Variants in UHRF1 observed in about 807,000 individuals in gnomAD.
UHRF1 encodes the protein ubiquitin like with PHD and ring finger domains 1.
UHRF1 carries 9 observed loss-of-function variants against 96.5 expected under a neutral mutation model. The ratio of observed to expected loss-of-function variants is 0.09; its 90% CI spans 0.06 to 0.16. The LOEUF is 0.16. Ranked by LOEUF, UHRF1 falls within the 10% of genes least tolerant of loss-of-function variation. UHRF1 has a pLI of 1.00. For missense variants in UHRF1, 626 were observed against 1,131.1 expected, an observed-to-expected ratio of 0.55 and a Z score of 6.40; for synonymous variants, 455 against 469.9, an observed-to-expected ratio of 0.97 and a Z score of 0.41.
At chr19:4,920,174 G>T (rs1012674400) in intron 2 of UHRF1, among the ~76,000 whole-genome samples, 1 of 152,160 alleles carries the variant, frequency 6.6e-6, no homozygotes, top group African/African-American at 2.4e-5. Flanking sequence ...GCTCATGCTT[G>T]TAATTTCAGC....
In UHRF1 at chr19:4,929,411, G is replaced by A. The variant is rs781513693; in HGVS notation, c.343G>A (p.Ala115Thr). 5.6e-6 allele frequency: 9 copies of A among 1,613,510 alleles called. No individual in the cohort carries two copies. The highest frequency in any genetic ancestry group is 5.0e-5 in the Admixed American group (3 of 59,984). The change falls in exon 3 of 17, where the codon GCC becomes ACC. Residue 115 changes from alanine (A) to threonine (T), a missense_variant. Physicochemically the swap from Ala to Thr is moderately conservative, Grantham distance 58. Coordinates refer to ENST00000650932, the MANE Select transcript of UHRF1 (RefSeq NM_001048201.3). ...DKSSTHGEAA[A>T]ETDSRPADED... ...GTCCTCCACCCACGGTGAGGCGGCCGCCGAGACTGACAGCAGGCCAGCCGA... is the reference window on the plus strand; with the variant it reads ...GTCCTCCACCCACGGTGAGGCGGCCACCGAGACTGACAGCAGGCCAGCCGA...
At chr19:4,955,667 C>T (rs189144590) in intron 15 of UHRF1, among the ~76,000 whole-genome samples, 4 of 152,266 alleles carry the variant, frequency 2.6e-5, no homozygotes, top group Admixed American at 6.5e-5. Context: ...AGCCCCTTGC[C>T]CCTAGACCTT....
Position 4,932,676 on chromosome 19 carries a change from G to A in UHRF1, c.570-65G>A, listed in dbSNP as rs17882965. On this transcript the variant is annotated intron_variant, in intron 4 of 16. Transcript: ENST00000650932. ...GGGAGGGGCCGTCCCACCTCGGCTCGTTTCCCATTGAGGGAAGGAGGCTTG... is the reference window on the plus strand; with the variant it reads ...GGGAGGGGCCGTCCCACCTCGGCTCATTTCCCATTGAGGGAAGGAGGCTTG... 18 of 1,575,170 alleles carry A rather than the reference G, an allele frequency of 1.1e-5. 1 individual carries two copies. Among genetic ancestry groups the A allele is most frequent in the South Asian group, 2.3e-5 (2 of 88,160 alleles).
chr19:4,948,868 A>G (rs1174155186), intron 11 of UHRF1, among the ~76,000 whole-genome samples: 2 of 151,664 alleles, frequency 1.3e-5, no homozygotes, highest in Non-Finnish European at 2.9e-5. Context: ...TCACGCCTGT[A>G]ATCCCAGCAC....
intron 4 of UHRF1, 66 bp from the exon 5 acceptor site, chr19:4,932,675 C>T (rs376083221): frequency 6.4e-6 from 10 of 1,567,698 alleles, no homozygotes; most frequent in Admixed American, 1.7e-5. Flanking sequence ...CACCTCGGCT[C>T]GTTTCCCATT....
upstream of UHRF1, chr19:4,909,171 T>C: frequency 2.7e-6 from 1 of 367,958 alleles, no homozygotes; most frequent in Admixed American, 5.1e-5. Flanking sequence ...TGCGTGCGAG[T>C]GGGGGGCTGC....
At position 4,930,002 on chromosome 19, in the gene UHRF1, T is replaced by C. The variant is rs1224058315; in HGVS notation, c.408+526T>C. 6.6e-6 allele frequency among the ~76,000 whole-genome samples: 1 copy of C among 152,048 alleles called. No homozygotes were observed. Among genetic ancestry groups the C allele is most frequent in the Non-Finnish European group, 1.5e-5 (1 of 68,010 alleles). ...ATTTTATTACTTTTTTAATACATGGTCTCATTCTGTCGCCCAGGCTGGAGT... is the reference window on the plus strand; with the variant it reads ...ATTTTATTACTTTTTTAATACATGGCCTCATTCTGTCGCCCAGGCTGGAGT... On this transcript the variant is annotated intron_variant, in intron 3 of 16. Transcript: ENST00000650932. The surrounding 1 kb of genome is among the most constrained non-coding windows in gnomAD (Gnocchi z 4.4).
chr19:4,943,495 G>GGCCCCCCC (rs2033469497), intron 7 of UHRF1, among the ~76,000 whole-genome samples: 1 of 133,210 alleles, frequency 7.5e-6, no homozygotes, highest in African/African-American at 3.0e-5. Flanking sequence ...TTGTTGCCCT[G>GGCCCCCCC]CCCCCCCTCC....
At chr19:4,909,771 C>G in intron 1 of UHRF1, 116 bp downstream of exon 1, 1 of 467,628 alleles carries the variant, frequency 2.1e-6, no homozygotes, top group Non-Finnish European at 3.8e-6. Context: ...GCACTCTGTC[C>G]CGGGATCCAG....
At position 4,954,322 on chromosome 19, in the gene UHRF1, C is replaced by T; in HGVS notation, c.1819-28C>T. On this transcript the variant is annotated intron_variant, in intron 13 of 16. Transcript: ENST00000650932. This position sits in a 1 kb window ranked among gnomAD's most constrained non-coding sequence, Gnocchi z 5.9. ...CATAGCGTGTGGGCCCCAAGCCTGACTCACGGCTGTCCCTCTTCCTCCTGA... is the reference window on the plus strand; with the variant it reads ...CATAGCGTGTGGGCCCCAAGCCTGATTCACGGCTGTCCCTCTTCCTCCTGA... 2 of 1,607,052 alleles carry T rather than the reference C, an allele frequency of 1.2e-6. No individual in the cohort carries two copies. The highest frequency in any genetic ancestry group is 1.7e-6 in the Non-Finnish European group (2 of 1,177,736).
rs918945677 is a variant in UHRF1 at position 4,954,071 on chromosome 19, C to T, written c.1819-279C>T. Among the ~76,000 whole-genome samples, 12 of 152,106 alleles carry T rather than the reference C, an allele frequency of 7.9e-5. No homozygotes were observed. Among genetic ancestry groups the T allele is most frequent in the Admixed American group, 2.6e-4 (4 of 15,264 alleles). ...AAAGGGGGAGGAAGGGGCCCCGAGC[C>T]GAGGGATGCAGCGCCTCTAGACGTT... On this transcript the variant is annotated intron_variant, in intron 13 of 16. Coordinates refer to ENST00000650932, the MANE Select transcript of UHRF1 (RefSeq NM_001048201.3). This position sits in a 1 kb window ranked among gnomAD's most constrained non-coding sequence, Gnocchi z 5.9.
chr19:4,939,601 C>T (rs1342525324), intron 5 of UHRF1, among the ~76,000 whole-genome samples: 1 of 152,150 alleles, frequency 6.6e-6, no homozygotes, highest in East Asian at 1.9e-4. Context: ...GGAGATGTCA[C>T]TTGCTGTGTG....
At chr19:4,949,185 A>G (rs1220679517) in intron 11 of UHRF1, among the ~76,000 whole-genome samples, 2 of 152,112 alleles carry the variant, frequency 1.3e-5, no homozygotes, top group African/African-American at 4.8e-5. Flanking sequence ...AATCAAATAC[A>G]AACTGAGGCT....
chr19:4,907,548 G>T (rs947719655), upstream of UHRF1, among the ~76,000 whole-genome samples: 1 of 151,904 alleles, frequency 6.6e-6, no homozygotes, highest in South Asian at 2.1e-4. Context: ...GGGATTACAC[G>T]TGTGAGCCAC....
intron 2 of UHRF1, among the ~76,000 whole-genome samples, chr19:4,913,059 G>A (rs3786941): frequency 0.37 from 56,013 of 151,704 alleles, 10,781 homozygotes; most frequent in African/African-American, 0.48. Context: ...GGACCTAAAA[G>A]CTTTGTCTAT....
chr19:4,936,064 C>T (rs143785081), intron 5 of UHRF1, among the ~76,000 whole-genome samples: 3 of 152,268 alleles, frequency 2.0e-5, no homozygotes, highest in East Asian at 1.9e-4. Flanking sequence ...TTGGGTTCTT[C>T]GATTCATTCA....
At chr19:4,941,019 T>C (rs530340269) in intron 5 of UHRF1, among the ~76,000 whole-genome samples, 1 of 151,634 alleles carries the variant, frequency 6.6e-6, no homozygotes, top group African/African-American at 2.4e-5. Context: ...TTGGTGCTCC[T>C]TAGCCAAAGG....
intron 2 of UHRF1, among the ~76,000 whole-genome samples, 178 bp from the exon 3 acceptor site, chr19:4,929,044 G>C (rs2032961991): frequency 6.6e-6 from 1 of 152,204 alleles, no homozygotes; most frequent in African/African-American, 2.4e-5. Context: ...GGACTGGGGT[G>C]CCGCTTGTGA....
chr19:4,906,513 G>A (rs1243192560), upstream of UHRF1, among the ~76,000 whole-genome samples: 2 of 152,140 alleles, frequency 1.3e-5, no homozygotes, highest in African/African-American at 4.8e-5. Flanking sequence ...CAGCACTTTG[G>A]GAAGTCCAGG....
Sources: gnomAD v4.1 joint callset for allele counts (sites outside exome capture counted in the v4.1 genomes callset) on GRCh38, gnomAD v4.1.1 for gene constraint, Gnocchi (gnomAD v3.1) non-coding constraint, MANE v1.5 for transcripts, NCBI Gene and HGNC (gene_info 2026-07-23, HGNC 2026-07-21) for gene names.